Variants in IL6R observed in about 807,000 individuals in gnomAD.
IL6R encodes the protein interleukin-6 receptor subunit alpha.
IL6R carries 38 observed loss-of-function variants against 48.3 expected under a neutral mutation model. That is an observed-to-expected ratio of 0.79 (90% CI 0.61 to 1.03). The LOEUF is 1.03. Among genes scored for constraint, IL6R ranks in the 50% least tolerant of loss-of-function variants. The pLI is 0.00. For synonymous variants in IL6R, 264 were observed against 256.2 expected, an observed-to-expected ratio of 1.03 and a Z score of -0.29; for missense variants, 534 against 618.3, an observed-to-expected ratio of 0.86 and a Z score of 1.45.
At chr1:154,406,951 G>C (rs934474152) in intron 1 of IL6R, among the ~76,000 whole-genome samples, 4 of 152,200 alleles carry the variant, frequency 2.6e-5, no homozygotes, top group Admixed American at 2.0e-4. Flanking sequence ...GGAGACTGAG[G>C]TTCAGGGAGG....
At chr1:154,434,262 G>C (rs753644862) in intron 3 of IL6R, among the ~76,000 whole-genome samples, 26 of 152,140 alleles carry the variant, frequency 1.7e-4, no homozygotes, top group Admixed American at 7.2e-4. Context: ...AGTGAGCCGA[G>C]ACTGCGCCAC....
chr1:154,456,340 G>T (rs1390169047), intron 9 of IL6R, among the ~76,000 whole-genome samples: 1 of 151,814 alleles, frequency 6.6e-6, no homozygotes, highest in Non-Finnish European at 1.5e-5. Context: ...TGAGTAGCTG[G>T]GATTGCAGGT....
At chr1:154,435,939 TC>T (rs1170702381) in intron 5 of IL6R, 29 bp from the exon 6 acceptor site, 1 of 1,574,128 alleles carries the variant, frequency 6.4e-7, no homozygotes, top group Non-Finnish European at 8.7e-7. Context: ...CCTGGATACC[TC>T]CCCAGAGTCA....
chr1:154,457,458 G>A (rs933294762), intron 9 of IL6R, among the ~76,000 whole-genome samples: 4 of 152,038 alleles, frequency 2.6e-5, no homozygotes, highest in Admixed American at 2.6e-4. Flanking sequence ...GAACTTAAAG[G>A]TCACCTTTAA....
At chr1:154,412,494 G>T (rs1188689282) in intron 1 of IL6R, among the ~76,000 whole-genome samples, 3 of 151,996 alleles carry the variant, frequency 2.0e-5, no homozygotes, top group Non-Finnish European at 4.4e-5. Context: ...CTGACCTCAG[G>T]TGATCCACCC....
chr1:154,437,102 G>A (rs1689666630), intron 6 of IL6R, among the ~76,000 whole-genome samples: 1 of 151,704 alleles, frequency 6.6e-6, no homozygotes, highest in African/African-American at 2.4e-5. Flanking sequence ...TTGTTGTTTT[G>A]TTTGTTTGTT....
rs750035177 is a variant in IL6R at position 154,435,989 on chromosome 1, C to T, written c.828C>T (p.His276=). Residue 276 remains histidine, a synonymous_variant, in exon 6 of 10, where the codon CAC becomes CAT. Coordinates refer to ENST00000368485, the MANE Select transcript of IL6R (RefSeq NM_000565.4). ...TTWMVKDLQH[H]CVIHDAWSGL... is the part of the protein sequence containing the mutation. ...CTCAGGTCAAGGACCTCCAGCATCA[C>T]TGTGTCATCCACGACGCCTGGAGCG... 3.1e-6 allele frequency: 5 copies of T among 1,609,552 alleles called. No homozygotes were observed. The highest frequency in any genetic ancestry group is 4.2e-6 in the Non-Finnish European group (5 of 1,176,864).
chr1:154,435,876 CACAGGGCTGGCCAAGGCACCA>C (rs1689596514), intron 5 of IL6R, 72 bp from the exon 6 acceptor site: 14 of 1,144,384 alleles, frequency 1.2e-5, no homozygotes, highest in Non-Finnish European at 1.7e-5. Context: ...CCAGCTGAAG[CACAGGGCTGGCCAAGGCACCA>C]ACCCACTGGG....
intron 9 of IL6R, among the ~76,000 whole-genome samples, chr1:154,461,107 A>G (rs1048086972): frequency 3.9e-5 from 6 of 152,216 alleles, no homozygotes; most frequent in South Asian, 2.1e-4. Context: ...AGCAGGCAGC[A>G]TATGTCAGGG....
At position 154,449,938 on chromosome 1, in the gene IL6R, A is replaced by G. The variant is rs1387899821; in HGVS notation, c.1024A>G (p.Asn342Asp). The G allele has an allele frequency of 6.2e-7, 1 of 1,610,300 alleles. No homozygotes were observed. The highest frequency in any genetic ancestry group is 8.5e-7 in the Non-Finnish European group (1 of 1,176,704). The change falls in exon 8 of 10, where the codon AAT (asparagine) becomes GAT (aspartate). Residue 342 changes from asparagine (N) to aspartate (D), a missense_variant. Transcript: ENST00000368485. ...QALTTNKDDDNILFRDSANAT... is the reference protein window; with the variant it reads ...QALTTNKDDDDILFRDSANAT... ...ACTTACTACTAATAAAGACGATGAT[A>G]ATATTCTCTTCAGAGATTCTGCAAA...
intron 3 of IL6R, among the ~76,000 whole-genome samples, chr1:154,431,394 A>G (rs1689286066): frequency 6.6e-6 from 1 of 152,206 alleles, no homozygotes; most frequent in South Asian, 2.1e-4. Context: ...TCGCATTCCA[A>G]GACCCCTAGT....
intron 1 of IL6R, among the ~76,000 whole-genome samples, chr1:154,426,161 G>GACACACACACACACACACACAC (rs372688307): frequency 3.4e-5 from 4 of 118,572 alleles, no homozygotes; most frequent in African/African-American, 1.3e-4. Flanking sequence ...CCCTGTATCA[G>GACACACACACACACACACACAC]ACACACACAC....
intron 1 of IL6R, chr1:154,418,379 C>T (rs1386895121): frequency 4.1e-6 from 4 of 983,968 alleles, no homozygotes; most frequent in African/African-American, 3.5e-5. Flanking sequence ...CTCCCAGACC[C>T]TCTCTCCAGC....
intron 3 of IL6R, among the ~76,000 whole-genome samples, chr1:154,433,782 T>C (rs1021685709): frequency 8.0e-4 from 122 of 151,990 alleles, no homozygotes; most frequent in African/African-American, 2.8e-3. Context: ...TGGAGTGCAG[T>C]CTCTGTCACT....
intron 1 of IL6R, among the ~76,000 whole-genome samples, chr1:154,415,988 C>A (rs1279226627): frequency 6.6e-6 from 1 of 151,960 alleles, no homozygotes; most frequent in Non-Finnish European, 1.5e-5. Context: ...AATAAAATAA[C>A]CATTTTAAAG....
chr1:154,420,186 G>A (rs1688574381), intron 1 of IL6R, among the ~76,000 whole-genome samples: 1 of 149,988 alleles, frequency 6.7e-6, no homozygotes, highest in African/African-American at 2.5e-5. Flanking sequence ...TTCTCCCAAA[G>A]CCATCAACTA....
intron 6 of IL6R, among the ~76,000 whole-genome samples, chr1:154,443,812 A>G (rs1355466494): frequency 2.0e-5 from 3 of 152,114 alleles, no homozygotes; most frequent in Non-Finnish European, 4.4e-5. Flanking sequence ...CTTTGGATTC[A>G]TGTCTTCAAC....
intron 6 of IL6R, among the ~76,000 whole-genome samples, chr1:154,447,449 AAAAAAAT>A (rs1271208554): frequency 1.8e-5 from 1 of 56,406 alleles, no homozygotes; most frequent in Non-Finnish European, 3.3e-5. Context: ...AAAAAAAAAA[AAAAAAAT>A]ATATATATAT....
rs1010819586 is a variant in IL6R, at chr1:154,462,026, C to T, written c.1161-3108C>T. On this transcript the variant is annotated intron_variant, in intron 9 of 9. Coordinates refer to ENST00000368485, the MANE Select transcript of IL6R (RefSeq NM_000565.4). ...TCAGAAATCCTATCTACAGAAACAA[C>T]GGGGATGCAGATGGTCAGTGTCTAG... Among the ~76,000 whole-genome samples the T allele has an allele frequency of 1.1e-4, 16 of 152,304 alleles. No homozygotes were observed. The East Asian group carries it at 1.9e-3, about 18-fold the overall frequency.
Sources: gnomAD v4.1 joint callset for allele counts (sites outside exome capture counted in the v4.1 genomes callset) on GRCh38, gnomAD v4.1.1 for gene constraint, MANE v1.5 for transcripts, NCBI Gene and HGNC (gene_info 2026-07-23, HGNC 2026-07-21) for gene names.